NDUFAF6: variants seen among roughly 807,000 people sequenced by gnomAD.
NDUFAF6 encodes NADH:ubiquinone oxidoreductase complex assembly factor 6, also known as NADH dehydrogenase (ubiquinone) complex I, assembly factor 6.
A neutral mutation model predicts 40.8 loss-of-function variants in NDUFAF6; 45 were observed. That is an observed-to-expected ratio of 1.10 (90% CI 0.87 to 1.42). NDUFAF6 has a LOEUF of 1.42. Among genes scored for constraint, NDUFAF6 ranks in the 40% most tolerant of loss-of-function variants. NDUFAF6 has a pLI of 0.00. For synonymous variants in NDUFAF6, 185 were observed against 155.9 expected (o/e 1.19, Z -1.39); for missense variants, 435 against 418.5 (o/e 1.04, Z -0.34).
chr8:94,909,348 C>G (rs1264310733), intron 1 of NDUFAF6, among the ~76,000 whole-genome samples: 1 of 91,924 alleles, frequency 1.1e-5, no homozygotes, highest in African/African-American at 5.1e-5. Context: ...GACTCCGTCT[C>G]AAAAAAAAAA....
intron 1 of NDUFAF6, chr8:94,930,188 C>T (rs1368217477): frequency 3.3e-6 from 1 of 305,704 alleles, no homozygotes; most frequent in East Asian, 6.0e-5. Context: ...AAAATGCTGA[C>T]TAATGTATAA....
upstream of NDUFAF6, among the ~76,000 whole-genome samples, chr8:95,098,256 G>A (rs375554256): frequency 1.1e-4 from 16 of 152,222 alleles, no homozygotes; most frequent in African/African-American, 3.1e-4. Flanking sequence ...GCTTCTGGCC[G>A]GGCTGGTGGC....
intron 1 of NDUFAF6, among the ~76,000 whole-genome samples, chr8:94,933,766 A>G (rs1223688721): frequency 1.3e-5 from 2 of 150,144 alleles, no homozygotes; most frequent in Non-Finnish European, 3.0e-5. Flanking sequence ...CTCTCTCAAA[A>G]AAAACCCCCA....
At chr8:95,111,685 G>A (rs1034698566) in intron 4 of NDUFAF6, among the ~76,000 whole-genome samples, 25 of 152,220 alleles carry the variant, frequency 1.6e-4, no homozygotes, top group African/African-American at 6.0e-4. Flanking sequence ...GACCAAAATA[G>A]TCATCTGGGA....
chr8:94,916,796 G>C (rs1244612373), intron 1 of NDUFAF6, among the ~76,000 whole-genome samples: 1 of 113,940 alleles, frequency 8.8e-6, no homozygotes, highest in Non-Finnish European at 1.7e-5. Context: ...CTGGGTGACA[G>C]ACAGAGTGAG....
At position 95,058,191 on chromosome 8, in the gene NDUFAF6, A is replaced by G. The variant is rs538635555; in HGVS notation, c.*254A>G. ...TGCTGTCCCTGGAAGCTGGAGCTCC[A>G]ACAGGGAATATTGGTGTAGCTGTGC... On this transcript the variant is annotated 3_prime_UTR_variant, in exon 9 of 9. Coordinates refer to ENST00000396124, the MANE Select transcript of NDUFAF6 (RefSeq NM_152416.4). The G allele has an allele frequency of 7.7e-6, 11 of 1,420,720 alleles. No individual in the cohort carries two copies. The highest frequency in any genetic ancestry group is 9.1e-7 in the Non-Finnish European group (1 of 1,096,598). 88.0% of individuals were successfully genotyped at this position (1,420,720 alleles called of 1,614,324 possible). A position where few individuals can be genotyped will look rare whatever the true frequency, so the allele number is the denominator to read the frequency against.
At chr8:95,076,743 C>T (rs998991416), downstream of NDUFAF6, among the ~76,000 whole-genome samples, 4 of 152,126 alleles carry the variant, frequency 2.6e-5, no homozygotes, top group African/African-American at 7.2e-5. Context: ...TGTGATGGCC[C>T]ATGCCTCTAA....
chr8:95,015,674 A>T (rs1827411735), intron 2 of NDUFAF6, among the ~76,000 whole-genome samples: 1 of 152,266 alleles, frequency 6.6e-6, no homozygotes, highest in African/African-American at 2.4e-5. Flanking sequence ...CAAATATAGT[A>T]GAAGAACCAA....
intron 2 of NDUFAF6, among the ~76,000 whole-genome samples, chr8:95,101,939 A>C (rs1809662287): frequency 6.6e-6 from 1 of 152,222 alleles, no homozygotes; most frequent in Admixed American, 6.5e-5. Context: ...AGTTCCATCA[A>C]GAGAGAGCAG....
At chr8:95,106,054 T>C (rs1809834516), downstream of NDUFAF6, among the ~76,000 whole-genome samples, 1 of 151,864 alleles carries the variant, frequency 6.6e-6, no homozygotes, top group Non-Finnish European at 1.5e-5. Context: ...GGTGGGCGGA[T>C]CATGAGGTCA....
At position 95,001,416 on chromosome 8, in the gene NDUFAF6, G is replaced by A. The variant is rs537282009; in HGVS notation, c.-84+20443G>A. 2.6e-5 allele frequency among the ~76,000 whole-genome samples: 4 copies of A among 152,214 alleles called. No individual in the cohort carries two copies. In the South Asian group the frequency reaches 8.3e-4, roughly 32 times the overall value. On this transcript the variant is annotated intron_variant, in intron 2 of 9. Transcript: ENST00000396111. ...ACCTCGAGAGAGCTAGTTTAATCCA[G>A]GAGAGTTGAGCACCAGGCCCTCAAC... is the stretch of plus-strand genomic sequence containing the variant.
chr8:94,934,138 G>C (rs1002079837), intron 1 of NDUFAF6, among the ~76,000 whole-genome samples: 8 of 95,572 alleles, frequency 8.4e-5, no homozygotes, highest in South Asian at 4.9e-4. Context: ...TTATGTGTAC[G>C]TACAGGCACA....
At chr8:94,964,907 G>A (rs1471102799) in intron 1 of NDUFAF6, among the ~76,000 whole-genome samples, 6 of 152,170 alleles carry the variant, frequency 3.9e-5, no homozygotes, top group Non-Finnish European at 8.8e-5. Flanking sequence ...AGAAAGCATG[G>A]TATAGATCCC....
chr8:95,044,468 T>TC (rs1226760599), intron 4 of NDUFAF6: 5 of 150,574 alleles, frequency 3.3e-5, no homozygotes, highest in African/African-American at 1.2e-4. Flanking sequence ...TTTTTTTTTT[T>TC]TGAGACAGAG....
intron 2 of NDUFAF6, among the ~76,000 whole-genome samples, chr8:94,983,553 C>G (rs1032545435): frequency 6.6e-6 from 1 of 152,158 alleles, no homozygotes; most frequent in Non-Finnish European, 1.5e-5. Flanking sequence ...AGGCATGAGC[C>G]ACCACATCCA....
chr8:95,055,148 G>A (rs1374658321), intron 8 of NDUFAF6: 7 of 152,198 alleles, frequency 4.6e-5, no homozygotes, highest in African/African-American at 1.4e-4. Context: ...AATCCTAAAA[G>A]CAATACATTT....
exon 3 of NDUFAF6, chr8:95,103,218 C>A (rs1345761422): frequency 6.6e-6 from 1 of 152,122 alleles, no homozygotes; most frequent in South Asian, 2.1e-4. Flanking sequence ...GTCAACCTTA[C>A]CCCTGTCAAA....
At chr8:95,113,605 C>G (rs1048085311) in intron 4 of NDUFAF6, among the ~76,000 whole-genome samples, 2 of 152,304 alleles carry the variant, frequency 1.3e-5, no homozygotes, top group South Asian at 4.1e-4. Context: ...TGCTTGCCTT[C>G]CTGAGGTCAT....
At chr8:94,900,871 T>G (rs1005003434) in intron 1 of NDUFAF6, among the ~76,000 whole-genome samples, 3 of 152,186 alleles carry the variant, frequency 2.0e-5, no homozygotes, top group Non-Finnish European at 4.4e-5. Flanking sequence ...GAGGTGACAT[T>G]TTATTTAGTT....
Sources: allele counts gnomAD v4.1 joint callset (sites outside exome capture counted in the v4.1 genomes callset), GRCh38; gene constraint gnomAD v4.1.1; transcripts MANE v1.5; gene names NCBI Gene and HGNC (gene_info 2026-07-23, HGNC 2026-07-21).